Variants in CAPN14 observed in about 807,000 individuals in gnomAD.
CAPN14 encodes calpain 14.
CAPN14 carries 94 observed loss-of-function variants against 101.3 expected under a neutral mutation model. The observed-to-expected ratio is 0.93, with a 90% CI of 0.79 to 1.10. The LOEUF (loss-of-function observed/expected upper bound fraction) is 1.10. Among genes scored for constraint, CAPN14 ranks in the 50% least tolerant of loss-of-function variants. The probability of loss-of-function intolerance (pLI) is 0.00; values close to 1 mark genes in which losing one functional copy is unlikely to be tolerated. For missense variants in CAPN14, 837 were observed against 828.4 expected, an observed-to-expected ratio of 1.01 and a Z score of -0.13; for synonymous variants, 338 against 317.9, an observed-to-expected ratio of 1.06 and a Z score of -0.67.
intron 2 of CAPN14, among the ~76,000 whole-genome samples, chr2:31,225,076 A>C (rs955516421): frequency 6.6e-6 from 1 of 152,112 alleles, no homozygotes; most frequent in Admixed American, 6.5e-5. Context: ...CAAAAGATTA[A>C]TAAATGTCCT....
At chr2:31,195,585 C>T (rs2365213) in intron 8 of CAPN14, among the ~76,000 whole-genome samples, 30,227 of 151,986 alleles carry the variant, frequency 0.2, 3,327 homozygotes, top group East Asian at 0.37. Flanking sequence ...GATCTGCCTT[C>T]CTCGACCTCC....
chr2:31,177,624 G>T, intron 19 of CAPN14, 122 bp downstream of exon 19: 1 of 713,774 alleles, frequency 1.4e-6, no homozygotes, highest in Non-Finnish European at 2.5e-6. Context: ...GCAGATCTAC[G>T]TCTTTGAGAG....
At position 31,173,341 on chromosome 2, in the gene CAPN14, A is replaced by T. The variant is rs1482871803; in HGVS notation, c.*1340T>A. 4 of 152,218 alleles carry T rather than the reference A, an allele frequency of 2.6e-5. No homozygotes were observed. Among genetic ancestry groups the T allele is most frequent in the African/African-American group, 9.7e-5 (4 of 41,442 alleles). 9.4% of individuals were successfully genotyped at this position (152,218 alleles called of 1,614,324 possible). On this transcript the variant is annotated 3_prime_UTR_variant, in exon 22 of 22. Transcript: ENST00000403897. ...GCTCCTTTCTTCTGGTACAGTACCC[A>T]TCTGACAGGTGCTCAAATCTCCTTT...
At chr2:31,197,425 G>T in intron 7 of CAPN14, 91 bp from the exon 8 acceptor site, 1 of 862,724 alleles carries the variant, frequency 1.2e-6, no homozygotes, top group Non-Finnish European at 1.9e-6. Context: ...CTGAGCACTT[G>T]CAGTGGAAAA....
upstream of CAPN14, among the ~76,000 whole-genome samples, chr2:31,220,843 C>T (rs528973243): frequency 2.0e-5 from 3 of 152,074 alleles, no homozygotes; most frequent in East Asian, 5.8e-4. Flanking sequence ...GATTTTTGTT[C>T]GTTTGGTTAT....
At chr2:31,182,849 T>C (rs1461170514) in intron 16 of CAPN14, among the ~76,000 whole-genome samples, 1 of 151,778 alleles carries the variant, frequency 6.6e-6, no homozygotes, top group African/African-American at 2.4e-5. Context: ...AAAGTTCACA[T>C]GGAACCAAAA....
intron 1 of CAPN14, chr2:31,228,498 T>G (rs1375557652): frequency 7.2e-5 from 11 of 152,198 alleles, no homozygotes; most frequent in Non-Finnish European, 1.2e-4. Context: ...TATATTCCTT[T>G]GAGTCAATGA....
chr2:31,220,265 T>C (rs1356964155), upstream of CAPN14, among the ~76,000 whole-genome samples: 1 of 152,200 alleles, frequency 6.6e-6, no homozygotes, highest in Non-Finnish European at 1.5e-5. Flanking sequence ...AAGGTGACCC[T>C]TCATGGGCAC....
At chr2:31,204,396 G>A (rs1029657700) in intron 2 of CAPN14, among the ~76,000 whole-genome samples, 13 of 152,132 alleles carry the variant, frequency 8.5e-5, no homozygotes, top group African/African-American at 2.4e-4. Context: ...AGTGTCCTTC[G>A]TATGCTAATG....
In CAPN14 at chr2:31,184,847, C is replaced by T. The variant is rs577594102; in HGVS notation, c.1645+1581G>A. Reference sequence around the variant, plus strand: ...CCATTAAATGCAGCCTGAATTTGTACGAGCTTATTTAGCAGCAACTTGAAA... The same window carrying T: ...CCATTAAATGCAGCCTGAATTTGTATGAGCTTATTTAGCAGCAACTTGAAA... On this transcript the variant is annotated intron_variant, in intron 16 of 21. Transcript: ENST00000403897. 9.9e-5 allele frequency among the ~76,000 whole-genome samples: 15 copies of T among 152,284 alleles called. No individual in the cohort carries two copies. In the South Asian group the frequency reaches 1.2e-3, roughly 13 times the overall value.
chr2:31,200,351 T>C, intron 6 of CAPN14, 100 bp downstream of exon 6: 4 of 1,087,190 alleles, frequency 3.7e-6, no homozygotes, highest in South Asian at 1.7e-5. Context: ...AGGAGCTGGG[T>C]GGAGGCCCTG....
rs757571696 is a variant in CAPN14 at position 31,193,190 on chromosome 2, ATG to A, written c.1053_1054del (p.Met352AlafsTer74). On this transcript the variant is annotated frameshift_variant, in exon 10 of 22. Transcript: ENST00000403897. LOFTEE classifies it high-confidence loss of function. Reference sequence around the variant, plus strand: ...CCGCTTCTCCCATCTCCCCTCCCGCATGGTGTACGTCCACTTCTGGGCCGCCT... The same window carrying A: ...CCGCTTCTCCCATCTCCCCTCCCGCAGTGTACGTCCACTTCTGGGCCGCCT... 16 of 1,551,428 alleles carry A rather than the reference ATG, an allele frequency of 1.0e-5. No individual in the cohort carries two copies. Among genetic ancestry groups the A allele is most frequent in the African/African-American group, 1.4e-5 (1 of 73,012 alleles).
chr2:31,177,627 T>A, intron 19 of CAPN14, 119 bp downstream of exon 19: 1 of 733,066 alleles, frequency 1.4e-6, no homozygotes, highest in Admixed American at 2.3e-5. Context: ...GATCTACGTC[T>A]TTGAGAGTAA....
intron 2 of CAPN14, among the ~76,000 whole-genome samples, chr2:31,203,577 G>C (rs960239389): frequency 2.0e-5 from 3 of 152,102 alleles, no homozygotes; most frequent in South Asian, 4.1e-4. Context: ...GGGGTGGTAG[G>C]GGGGTTGTCT....
intron 2 of CAPN14, among the ~76,000 whole-genome samples, chr2:31,204,351 G>T (rs1681959675): frequency 6.6e-6 from 1 of 152,150 alleles, no homozygotes; most frequent in Non-Finnish European, 1.5e-5. Flanking sequence ...CTGACATTCA[G>T]CTCCTAAAAC....
At chr2:31,198,249 C>A (rs1398837215) in intron 7 of CAPN14, among the ~76,000 whole-genome samples, 3 of 152,182 alleles carry the variant, frequency 2.0e-5, no homozygotes, top group Non-Finnish European at 4.4e-5. Flanking sequence ...GACCTGGAAG[C>A]CCCCTCCCTG....
intron 18 of CAPN14, 112 bp from the exon 19 acceptor site, chr2:31,177,933 C>G: frequency 2.7e-6 from 2 of 750,230 alleles, no homozygotes; most frequent in East Asian, 5.4e-5. Context: ...ATATCTGAGG[C>G]TCCACATGCA....
At position 31,201,897 on chromosome 2, in the gene CAPN14, C is replaced by G; in HGVS notation, c.516G>C (p.Leu172Phe). 6.4e-7 allele frequency: 1 copy of G among 1,551,724 alleles called. No homozygotes were observed. Among genetic ancestry groups the G allele is most frequent in the East Asian group, 2.4e-5 (1 of 40,898 alleles). ...CCTTTTCCAGAAGTGCTCCCCAGAA[C>G]AAGTTCTTATAGGTGGAGGAGACAA... ...LVFVSSTYKN[L>F]FWGALLEKAY... is the part of the protein sequence containing the mutation. Residue 172 changes from leucine to phenylalanine, a missense_variant, in exon 5 of 22, where the codon TTG becomes TTC. Physicochemically the swap from Leu to Phe is conservative, Grantham distance 22. Coordinates refer to ENST00000403897, the MANE Select transcript of CAPN14 (RefSeq NM_001145122.2).
chr2:31,211,627 A>C (rs1682405774), intron 1 of CAPN14, among the ~76,000 whole-genome samples: 1 of 152,094 alleles, frequency 6.6e-6, no homozygotes, highest in South Asian at 2.1e-4. Flanking sequence ...GAAGTTGTAT[A>C]TAGATCATGG....
Sources: allele counts gnomAD v4.1 joint callset (sites outside exome capture counted in the v4.1 genomes callset), GRCh38; gene constraint gnomAD v4.1.1; transcripts MANE v1.5; gene names NCBI Gene and HGNC (gene_info 2026-07-23, HGNC 2026-07-21).